The following RNLS variants were observed in gnomAD, a reference collection of about 807,000 sequenced individuals.
The protein encoded by RNLS is renalase, FAD dependent amine oxidase, also known as renalase.
RNLS carries 39 observed loss-of-function variants against 39.8 expected under a neutral mutation model. The observed-to-expected ratio is 0.98, with a 90% CI of 0.76 to 1.28. The LOEUF is 1.28. RNLS is among the 50% of genes most tolerant of loss of function. The probability of loss-of-function intolerance (pLI) is 0.00; values close to 1 mark genes in which losing one functional copy is unlikely to be tolerated. For synonymous variants in RNLS, 147 were observed against 150.7 expected (o/e 0.98, Z 0.18); for missense variants, 410 against 413.3 (o/e 0.99, Z 0.07).
At chr10:88,402,991 C>T (rs1339980010) in intron 4 of RNLS, among the ~76,000 whole-genome samples, 1 of 152,016 alleles carries the variant, frequency 6.6e-6, no homozygotes, top group Non-Finnish European at 1.5e-5. Flanking sequence ...TAGTCTCTCA[C>T]GGCCCCCAGT....
At chr10:88,541,349 T>C (rs1848032802) in intron 4 of RNLS, among the ~76,000 whole-genome samples, 2 of 152,208 alleles carry the variant, frequency 1.3e-5, no homozygotes, top group Admixed American at 1.3e-4. Flanking sequence ...ATGTTGATTT[T>C]GGCAGATCCT....
At chr10:88,415,848 T>G (rs1201750294) in intron 4 of RNLS, among the ~76,000 whole-genome samples, 2 of 152,174 alleles carry the variant, frequency 1.3e-5, no homozygotes, top group African/African-American at 4.8e-5. Flanking sequence ...ACCTGAAAGT[T>G]AAGATCAGGT....
chr10:88,316,227 A>T (rs148161664), intron 5 of RNLS, among the ~76,000 whole-genome samples: 1 of 152,192 alleles, frequency 6.6e-6, no homozygotes, highest in Non-Finnish European at 1.5e-5. Context: ...AACAACTTGA[A>T]AGAGGAAATA....
intron 5 of RNLS, among the ~76,000 whole-genome samples, chr10:88,325,010 A>G (rs1846486724): frequency 6.6e-6 from 1 of 152,240 alleles, no homozygotes; most frequent in East Asian, 1.9e-4. Context: ...ATATTCCACC[A>G]TATGTATATG....
chr10:88,503,777 T>C (rs1239979524), intron 4 of RNLS, among the ~76,000 whole-genome samples: 1 of 152,186 alleles, frequency 6.6e-6, no homozygotes, highest in Non-Finnish European at 1.5e-5. Flanking sequence ...TTCCCTCCCC[T>C]TCCCTTGAGT....
At chr10:88,491,342 C>T (rs1844865848) in intron 4 of RNLS, among the ~76,000 whole-genome samples, 1 of 152,178 alleles carries the variant, frequency 6.6e-6, no homozygotes. Context: ...ACCTGCTTCT[C>T]ATCTGTGCCT....
At position 88,370,192 on chromosome 10, in the gene RNLS, T is replaced by C. The variant is rs184997461; in HGVS notation, c.527-7467A>G. 1.4e-4 allele frequency among the ~76,000 whole-genome samples: 21 copies of C among 152,250 alleles called. No individual in the cohort carries two copies. The East Asian group carries it at 3.7e-3, about 27-fold the overall frequency. On this transcript the variant is annotated intron_variant, in intron 4 of 6. Coordinates refer to ENST00000331772, the MANE Select transcript of RNLS (RefSeq NM_001031709.3). Reference sequence around the variant, plus strand: ...GGCCCAGGAGTATGGTAAGAATATTTTGCAATTTATAAAGGTCTATTTTTT... The same window carrying C: ...GGCCCAGGAGTATGGTAAGAATATTCTGCAATTTATAAAGGTCTATTTTTT...
intron 3 of RNLS, among the ~76,000 whole-genome samples, chr10:88,573,746 T>C (rs1849988813): frequency 6.6e-6 from 1 of 152,248 alleles, no homozygotes; most frequent in Admixed American, 6.5e-5. Flanking sequence ...TCCCTTTTAA[T>C]CTGTAAGGCC....
At chr10:88,255,186 A>C in the RNLS span, among the ~76,000 whole-genome samples, 1 of 152,228 alleles carries the variant, frequency 6.6e-6, no homozygotes, top group Non-Finnish European at 1.5e-5. Context: ...TTCATGATAC[A>C]TTTGTAAGAA....
chr10:88,197,524 C>T, the RNLS span, among the ~76,000 whole-genome samples: 4 of 152,166 alleles, frequency 2.6e-5, no homozygotes, highest in African/African-American at 9.7e-5. Context: ...ACAACAACCA[C>T]CGCAATTCGA....
chr10:88,514,579 C>T (rs889572765), intron 4 of RNLS, among the ~76,000 whole-genome samples: 1 of 152,084 alleles, frequency 6.6e-6, no homozygotes, highest in African/African-American at 2.4e-5. Context: ...TTCTTCCTGT[C>T]CCCAACCCTT....
chr10:88,449,280 C>T lies in RNLS; in HGVS notation c.527-86555G>A, dbSNP rs149219976. ...TGCCTTCCTCTCTGATCACCAAAGA[C>T]TCCTTACTTCTTCTAGGCACAATTA... On this transcript the variant is annotated intron_variant, in intron 4 of 6. Transcript: ENST00000331772. Among the ~76,000 whole-genome samples the T allele has an allele frequency of 6.2e-3, 948 of 152,330 alleles. 3 individuals are homozygous for T. The highest frequency in any genetic ancestry group is 9.5e-3 in the Non-Finnish European group (645 of 68,028).
the RNLS span, among the ~76,000 whole-genome samples, chr10:88,203,368 GTATA>G: frequency 5.7e-4 from 1 of 1,764 alleles, no homozygotes; most frequent in South Asian, 0.015. Context: ...GTATGTGTGT[GTATA>G]TATATATATA....
Position 88,573,028 on chromosome 10 carries a change from T to G in RNLS, c.401A>C (p.Gln134Pro). 1 of 1,614,050 alleles carries G rather than the reference T, an allele frequency of 6.2e-7. No homozygotes were observed. The highest frequency in any genetic ancestry group is 1.1e-5 in the South Asian group (1 of 91,064). Reference protein sequence around the residue: ...AEVYFRHRVTQINLRDDKWEV... With the variant: ...AEVYFRHRVTPINLRDDKWEV... Reference sequence around the variant, plus strand: ...CCATTTGTCATCTCTTAGGTTGATCTGTGTCACACGATGTCTGAAGTAGAC... The same window carrying G: ...CCATTTGTCATCTCTTAGGTTGATCGGTGTCACACGATGTCTGAAGTAGAC... The change falls in exon 4 of 7, where the codon CAG becomes CCG. Residue 134 changes from glutamine (Q) to proline (P), a missense_variant. Gln to Pro is a moderately conservative substitution (Grantham distance 76, BLOSUM62 -1). Coordinates refer to ENST00000331772, the MANE Select transcript of RNLS (RefSeq NM_001031709.3).
the RNLS span, among the ~76,000 whole-genome samples, chr10:88,185,082 C>T: frequency 3.9e-5 from 6 of 152,140 alleles, no homozygotes; most frequent in East Asian, 1.9e-4. Context: ...TCACTGAGGC[C>T]GAGGTTACAT....
At chr10:88,265,191 A>G in the RNLS span, among the ~76,000 whole-genome samples, 1 of 152,076 alleles carries the variant, frequency 6.6e-6, no homozygotes, top group Non-Finnish European at 1.5e-5. Context: ...CCATTGGTCT[A>G]TGTGCCAATT....
chr10:88,269,730 G>A (rs951333586), downstream of RNLS, among the ~76,000 whole-genome samples: 4 of 152,184 alleles, frequency 2.6e-5, no homozygotes, highest in African/African-American at 9.7e-5. Flanking sequence ...AATACAATGT[G>A]TTCCTTCTTT....
intron 6 of RNLS, among the ~76,000 whole-genome samples, chr10:88,302,637 T>C (rs1375826645): frequency 6.6e-6 from 1 of 152,196 alleles, no homozygotes; most frequent in Admixed American, 6.5e-5. Context: ...AACCTCAAGT[T>C]TCAAAGACCT....
At chr10:88,420,564 T>C (rs77697601) in intron 4 of RNLS, among the ~76,000 whole-genome samples, 2,181 of 152,332 alleles carry the variant, frequency 0.014, 104 homozygotes, top group South Asian at 0.12. Flanking sequence ...CTCAAGTCTC[T>C]GCCTCTTTTA....
Sources: allele counts gnomAD v4.1 joint callset (sites outside exome capture counted in the v4.1 genomes callset), GRCh38; gene constraint gnomAD v4.1.1; transcripts MANE v1.5; gene names NCBI Gene and HGNC (gene_info 2026-07-23, HGNC 2026-07-21).